Variants in NLRP4 observed in about 807,000 individuals in gnomAD.
NLRP4 encodes NACHT, LRR and PYD domains-containing protein 4.
NLRP4 carries 44 observed loss-of-function variants against 84.7 expected under a neutral mutation model. The observed-to-expected ratio is 0.52, with a 90% CI of 0.41 to 0.67. The LOEUF is 0.67. NLRP4 is among the 30% of genes least tolerant of loss of function. The probability of loss-of-function intolerance (pLI) is 0.00; values close to 1 mark genes in which losing one functional copy is unlikely to be tolerated. For synonymous variants in NLRP4, 544 were observed against 476.4 expected (o/e 1.14, Z -1.85); for missense variants, 1,260 against 1,219.4 (o/e 1.03, Z -0.50).
At chr19:55,872,555 TTATAAA>T (rs1197206625) in intron 7 of NLRP4, among the ~76,000 whole-genome samples, 5 of 152,132 alleles carry the variant, frequency 3.3e-5, no homozygotes, top group East Asian at 3.9e-4. Context: ...CAACTAGAAA[TTATAAA>T]TATAATAACT....
chr19:55,850,005 ATTTCCGAGACTGCG>A (rs1983989336), intron 1 of NLRP4, among the ~76,000 whole-genome samples: 1 of 46,028 alleles, frequency 2.2e-5, no homozygotes, highest in Admixed American at 3.2e-4. Context: ...CTGCGGTGTG[ATTTCCGAGACTGCG>A]GTGTGATTTC....
At chr19:55,866,261 T>TGACC (rs2059524776) in intron 5 of NLRP4, among the ~76,000 whole-genome samples, 1 of 152,152 alleles carries the variant, frequency 6.6e-6, no homozygotes, top group Non-Finnish European at 1.5e-5. Flanking sequence ...CTTGATCTCT[T>TGACC]GACCTCATGT....
intron 1 of NLRP4, among the ~76,000 whole-genome samples, chr19:55,849,503 G>A (rs2123007037): frequency 6.6e-6 from 1 of 152,282 alleles, no homozygotes; most frequent in South Asian, 2.1e-4. Context: ...GTCCCTTCCT[G>A]ATGAAGACTT....
At chr19:55,839,592 T>C (rs1983530355) in intron 1 of NLRP4, among the ~76,000 whole-genome samples, 1 of 152,022 alleles carries the variant, frequency 6.6e-6, no homozygotes, top group African/African-American at 2.4e-5. Flanking sequence ...GGCATAAAAA[T>C]GGTAATAGTC....
chr19:55,860,199 A>C (rs991595124), intron 3 of NLRP4, among the ~76,000 whole-genome samples: 2 of 151,884 alleles, frequency 1.3e-5, no homozygotes, highest in African/African-American at 4.8e-5. Context: ...GTTGGCCAGG[A>C]TGGTCTCGAT....
At chr19:55,870,776 T>C (rs1323829213) in intron 6 of NLRP4, 51 bp from the exon 7 acceptor site, 8 of 1,360,428 alleles carry the variant, frequency 5.9e-6, no homozygotes, top group Non-Finnish European at 7.3e-6. Context: ...CAAATCTCCC[T>C]GAGACACCAC....
chr19:55,848,151 A>G (rs1230908551), intron 1 of NLRP4, among the ~76,000 whole-genome samples: 1 of 152,118 alleles, frequency 6.6e-6, no homozygotes, highest in African/African-American at 2.4e-5. Context: ...CGTTTTGAGA[A>G]GCACTGGTCA....
In NLRP4 at chr19:55,861,452, A is replaced by T. The variant is rs1287821241; in HGVS notation, c.1923A>T (p.Arg641Ser). The T allele has an allele frequency of 6.2e-7, 1 of 1,614,032 alleles. No homozygotes were observed. Among genetic ancestry groups the T allele is most frequent in the Non-Finnish European group, 8.5e-7 (1 of 1,179,832 alleles). ...CSVLTTSGHL[R>S]ELQVQDSTLS... ...TGCTCACCACCAGCGGGCACCTCAG[A>T]GAGCTCCAGGTGCAGGACAGCACCC... Residue 641 changes from arginine to serine, a missense_variant, in exon 4 of 10, where the codon AGA (arginine) becomes AGT (serine). This residue lies in a region of NLRP4 where 544 missense variants were observed against 531.7 expected (regional missense o/e 1.02). Coordinates refer to ENST00000301295, the MANE Select transcript of NLRP4 (RefSeq NM_134444.5).
intron 5 of NLRP4, among the ~76,000 whole-genome samples, chr19:55,865,083 A>G (rs1444082417): frequency 6.6e-6 from 1 of 152,156 alleles, no homozygotes. Flanking sequence ...TTATTTCGTC[A>G]CCCGTTAATA....
rs1280601784 is a variant in NLRP4 at position 55,878,909 on chromosome 19, G to T, written c.2812G>T (p.Val938Leu). Residue 938 changes from valine to leucine, a missense_variant, in exon 9 of 10, where the codon GTG (valine) becomes TTG (leucine). This residue lies in a region of NLRP4 where 544 missense variants were observed against 531.7 expected (regional missense o/e 1.02). Coordinates refer to ENST00000301295, the MANE Select transcript of NLRP4 (RefSeq NM_134444.5). ...CTTGAACACCTTGGACCACACAGGG[G>T]TGGTTGTACTCTGTGAGGCCCTGAG... ...LTLNTLDHTG[V>L]VVLCEALRHP... The T allele has an allele frequency of 5.0e-6, 8 of 1,613,958 alleles. No homozygotes were observed. Among genetic ancestry groups the T allele is most frequent in the Non-Finnish European group, 6.8e-6 (8 of 1,179,846 alleles).
chr19:55,876,240 CAA>C (rs1333851666), intron 7 of NLRP4, among the ~76,000 whole-genome samples: 2 of 152,160 alleles, frequency 1.3e-5, no homozygotes, highest in African/African-American at 4.8e-5. Flanking sequence ...AGACCTCCAA[CAA>C]ACGATGCTGA....
rs200215054 is a variant in NLRP4 at position 55,858,245 on chromosome 19, G to A, written c.852G>A (p.Pro284=). The A allele has an allele frequency of 1.1e-5, 18 of 1,614,140 alleles. No homozygotes were observed. The highest frequency in any genetic ancestry group is 2.2e-5 in the South Asian group (2 of 91,080). The change falls in exon 3 of 10, where the codon CCG becomes CCA. Residue 284 remains proline (P), a synonymous_variant. Transcript: ENST00000301295. This position sits in a 1 kb window ranked among gnomAD's most constrained non-coding sequence, Gnocchi z 4.2. ...TCATCGCTATCAAACCCGTGTGCCCGAAGGAGCTCCGGGATCAGGTGACGA... is the reference window on the plus strand; with the variant it reads ...TCATCGCTATCAAACCCGTGTGCCCAAAGGAGCTCCGGGATCAGGTGACGA... ...SLLIAIKPVC[P]KELRDQVTIS...
chr19:55,847,155 G>T (rs1261134347), intron 1 of NLRP4, among the ~76,000 whole-genome samples: 2 of 124,414 alleles, frequency 1.6e-5, no homozygotes, highest in Non-Finnish European at 3.1e-5. Flanking sequence ...TTTTATTTGA[G>T]GGGGGGGCAG....
chr19:55,878,262 C>T (rs988773625), intron 8 of NLRP4, among the ~76,000 whole-genome samples: 2 of 151,922 alleles, frequency 1.3e-5, no homozygotes, highest in Admixed American at 1.3e-4. Context: ...AACCCCATCT[C>T]CACAAAAATT....
At chr19:55,870,214 T>C (rs1279964091) in intron 6 of NLRP4, among the ~76,000 whole-genome samples, 1 of 152,170 alleles carries the variant, frequency 6.6e-6, no homozygotes, top group Non-Finnish European at 1.5e-5. Context: ...GGGAGCGGTC[T>C]CAGAAGGTCC....
chr19:55,840,346 G>GTGTA (rs1303119816), intron 1 of NLRP4, among the ~76,000 whole-genome samples: 6 of 57,634 alleles, frequency 1.0e-4, no homozygotes, highest in Admixed American at 1.9e-4. Flanking sequence ...GTATGTGTAT[G>GTGTA]TGTGTGTGTG....
chr19:55,858,454 A>C lies in NLRP4; in HGVS notation c.1061A>C (p.Glu354Ala). Residue 354 changes from glutamate to alanine, a missense_variant, in exon 3 of 10, where the codon GAG (glutamate) becomes GCG (alanine). Coordinates refer to ENST00000301295, the MANE Select transcript of NLRP4 (RefSeq NM_134444.5). This position sits in a 1 kb window ranked among gnomAD's most constrained non-coding sequence, Gnocchi z 4.2. ...CWILCTSLKQEMQKGKDLALT... is the reference protein window; with the variant it reads ...CWILCTSLKQAMQKGKDLALT... ...ATCCTGTGTACCAGTCTGAAGCAAG[A>C]GATGCAGAAAGGAAAAGACCTGGCC... The C allele has an allele frequency of 6.2e-7, 1 of 1,614,120 alleles. No individual in the cohort carries two copies. Among genetic ancestry groups the C allele is most frequent in the Non-Finnish European group, 8.5e-7 (1 of 1,180,016 alleles).
chr19:55,852,485 T>G, intron 2 of NLRP4, 125 bp downstream of exon 2: 1 of 653,492 alleles, frequency 1.5e-6, no homozygotes. Flanking sequence ...GGTTTTTTTT[T>G]TTTTTTTTTT....
At chr19:55,850,692 T>TGGCTGCGGTGTATTTCCCGA (rs1984067577) in intron 1 of NLRP4, among the ~76,000 whole-genome samples, 1 of 72,786 alleles carries the variant, frequency 1.4e-5, no homozygotes, top group Non-Finnish European at 2.4e-5. Flanking sequence ...GTAATGTCCG[T>TGGCTGCGGTGTATTTCCCGA]GGCTGCGGTG....
Sources: gnomAD v4.1 joint callset for allele counts (sites outside exome capture counted in the v4.1 genomes callset) on GRCh38, gnomAD v4.1.1 for gene constraint, gnomAD v4.1.1 regional missense constraint, Gnocchi (gnomAD v3.1) non-coding constraint, MANE v1.5 for transcripts, NCBI Gene and HGNC (gene_info 2026-07-23, HGNC 2026-07-21) for gene names.